Variants in GRAMD4 observed in about 807,000 individuals in gnomAD.
The protein encoded by GRAMD4 is GRAM domain containing 4.
GRAMD4 carries 25 observed loss-of-function variants against 83.9 expected under a neutral mutation model. That is an observed-to-expected ratio of 0.30 (90% CI 0.22 to 0.42). The LOEUF is 0.42. Ranked by LOEUF, GRAMD4 falls within the 10% of genes least tolerant of loss-of-function variation. The probability of loss-of-function intolerance (pLI) is 1.00; values close to 1 mark genes in which losing one functional copy is unlikely to be tolerated. For missense variants in GRAMD4, 593 were observed against 788.7 expected, an observed-to-expected ratio of 0.75 and a Z score of 2.97; for synonymous variants, 336 against 320.9, an observed-to-expected ratio of 1.05 and a Z score of -0.50.
chr22:46,679,294 G>A lies in GRAMD4; in HGVS notation c.*2043G>A, dbSNP rs974056402. The A allele has an allele frequency of 4.1e-6, 4 of 985,328 alleles. No individual in the cohort carries two copies. The highest frequency in any genetic ancestry group is 9.4e-5 in the South Asian group (2 of 21,292). 61.0% of individuals were successfully genotyped at this position (985,328 alleles called of 1,614,324 possible). A position where few individuals can be genotyped will look rare whatever the true frequency, so the allele number is the denominator to read the frequency against. ...TTACCAGCGTCGGGTGGTTTAGTTC[G>A]AGTCCCTTTTGTGGAGAAAGGGAGA... On this transcript the variant is annotated 3_prime_UTR_variant, in exon 19 of 19. Transcript: ENST00000406902.
At position 46,672,031 on chromosome 22, in the gene GRAMD4, C is replaced by A. The variant is rs891633521; in HGVS notation, c.1085-812C>A. The stretch of plus-strand genomic sequence containing the variant: ...GCCTGCCACGTCTGGTCTGGTCTGG[C>A]GGGCTGTGCACTGGGGGCAGCGAGA... On this transcript the variant is annotated intron_variant, in intron 13 of 18. Coordinates refer to ENST00000406902, the MANE Select transcript of GRAMD4 (RefSeq NM_015124.5). This position sits in a 1 kb window ranked among gnomAD's most constrained non-coding sequence, Gnocchi z 4.7. 6.6e-6 allele frequency among the ~76,000 whole-genome samples: 1 copy of A among 152,188 alleles called. No homozygotes were observed.
upstream of GRAMD4, among the ~76,000 whole-genome samples, chr22:46,617,994 G>T (rs713889): frequency 0.8 from 121,275 of 152,246 alleles, 49,022 homozygotes; most frequent in East Asian, 1. Flanking sequence ...AGAGTCCATG[G>T]GTGTCCCTAG....
At chr22:46,656,054 C>G (rs940714904) in intron 3 of GRAMD4, among the ~76,000 whole-genome samples, 3 of 152,164 alleles carry the variant, frequency 2.0e-5, no homozygotes, top group East Asian at 1.9e-4. Flanking sequence ...CAGTGCCCCC[C>G]ACCCCAGCCT....
intron 1 of GRAMD4, among the ~76,000 whole-genome samples, chr22:46,608,087 G>T (rs560168101): frequency 6.6e-6 from 1 of 152,218 alleles, no homozygotes; most frequent in African/African-American, 2.4e-5. Context: ...TTAGTGCGTG[G>T]CTCGGTCATT....
intron 2 of GRAMD4, among the ~76,000 whole-genome samples, chr22:46,632,857 G>A (rs1421267322): frequency 6.6e-6 from 1 of 152,222 alleles, no homozygotes; most frequent in Non-Finnish European, 1.5e-5. Context: ...GACGCTGCCT[G>A]TGCTTGCTGG....
chr22:46,655,223 C>T (rs551237418), intron 3 of GRAMD4, among the ~76,000 whole-genome samples: 2 of 143,790 alleles, frequency 1.4e-5, no homozygotes, highest in South Asian at 4.9e-4. Context: ...TGGCTTAAGC[C>T]CAAAAAGCAA....
chr22:46,661,606 G>A (rs939526091), intron 5 of GRAMD4, among the ~76,000 whole-genome samples, 164 bp downstream of exon 5: 4 of 152,246 alleles, frequency 2.6e-5, no homozygotes, highest in Admixed American at 1.3e-4. Context: ...GCTGGCATCC[G>A]GGAATCTCCT....
intron 16 of GRAMD4, 21 bp downstream of exon 16, chr22:46,674,771 C>G (rs761304795): frequency 3.9e-6 from 6 of 1,541,514 alleles, no homozygotes; most frequent in Non-Finnish European, 5.4e-6. Flanking sequence ...CCGTGGGGCC[C>G]TGTGTGGCTG....
chr22:46,650,898 G>A (rs890642795), intron 3 of GRAMD4, among the ~76,000 whole-genome samples: 2 of 152,226 alleles, frequency 1.3e-5, no homozygotes, highest in Non-Finnish European at 2.9e-5. Flanking sequence ...CTGACTGCAA[G>A]ACGCCTGTGG....
At position 46,628,006 on chromosome 22, in the gene GRAMD4, C is replaced by A. The variant is rs554378207; in HGVS notation, c.162+1045C>A. 3.7e-4 allele frequency among the ~76,000 whole-genome samples: 56 copies of A among 152,342 alleles called. No individual in the cohort carries two copies. In the East Asian group the frequency reaches 0.01, roughly 27 times the overall value. Reference sequence around the variant, plus strand: ...CCCTTGTGCAGGTTATGTGGCAGAACGGCAGGGGCCTGCCTTCGCCGGAGA... The same window carrying A: ...CCCTTGTGCAGGTTATGTGGCAGAAAGGCAGGGGCCTGCCTTCGCCGGAGA... On this transcript the variant is annotated intron_variant, in intron 2 of 18. Coordinates refer to ENST00000406902, the MANE Select transcript of GRAMD4 (RefSeq NM_015124.5).
chr22:46,582,212 C>T (rs2081105328), intron 1 of GRAMD4, among the ~76,000 whole-genome samples: 1 of 152,122 alleles, frequency 6.6e-6, no homozygotes, highest in Admixed American at 6.5e-5. Context: ...AACCGTGAAG[C>T]TTTGTGCTTG....
At chr22:46,666,103 G>C (rs901065352) in intron 9 of GRAMD4, among the ~76,000 whole-genome samples, 37 of 152,224 alleles carry the variant, frequency 2.4e-4, no homozygotes, top group African/African-American at 8.2e-4. Context: ...GACCGGGAAT[G>C]AGTACCAGTC....
chr22:46,613,632 C>CAGCATCCTGGAGGCCAGGAAGG (rs2147099326), intron 1 of GRAMD4, among the ~76,000 whole-genome samples: 1 of 152,330 alleles, frequency 6.6e-6, no homozygotes, highest in African/African-American at 2.4e-5. Context: ...ATCGCTTGGG[C>CAGCATCCTGGAGGCCAGGAAGG]AGCATCCTGG....
At chr22:46,642,389 G>T (rs572104415) in intron 3 of GRAMD4, among the ~76,000 whole-genome samples, 24 of 152,332 alleles carry the variant, frequency 1.6e-4, no homozygotes, top group South Asian at 8.3e-4. Flanking sequence ...AGTTCATACA[G>T]ATAATTCTAT....
At chr22:46,669,883 CTGTTT>C (rs1043350898) in intron 13 of GRAMD4, among the ~76,000 whole-genome samples, 2 of 152,180 alleles carry the variant, frequency 1.3e-5, no homozygotes, top group East Asian at 1.9e-4. Flanking sequence ...CTGGTCTCTT[CTGTTT>C]TGTTTTGTCT....
At chr22:46,586,776 G>T (rs188905165) in intron 1 of GRAMD4, among the ~76,000 whole-genome samples, 11 of 152,314 alleles carry the variant, frequency 7.2e-5, no homozygotes, top group South Asian at 4.1e-4. Context: ...AGCCTGGCCT[G>T]AGCAGTGACA....
At chr22:46,674,098 C>T (rs1304009448) in intron 15 of GRAMD4, among the ~76,000 whole-genome samples, 1 of 152,230 alleles carries the variant, frequency 6.6e-6, no homozygotes, top group Non-Finnish European at 1.5e-5. Context: ...GAGTCCAGGG[C>T]GAGGCCTCAG....
At chr22:46,641,586 G>C (rs1043608176) in intron 3 of GRAMD4, among the ~76,000 whole-genome samples, 26 of 152,198 alleles carry the variant, frequency 1.7e-4, no homozygotes, top group Admixed American at 6.5e-5. Flanking sequence ...CAGGTCACCT[G>C]CTGGACAGTC....
Position 46,666,811 on chromosome 22 carries a change from T to C in GRAMD4, c.810-14T>C, listed in dbSNP as rs778506717. On this transcript the variant is annotated splice_polypyrimidine_tract_variant and intron_variant, in intron 9 of 18. Transcript: ENST00000406902. ...GGCGCTGTCCTAAAGGTGTGTGTGT[T>C]TTCTGTTCGCCAGGGGGTGGCGGAT... 1 of 1,610,104 alleles carries C rather than the reference T, an allele frequency of 6.2e-7. No individual in the cohort carries two copies.
Sources: gnomAD v4.1 joint callset for allele counts (sites outside exome capture counted in the v4.1 genomes callset) on GRCh38, gnomAD v4.1.1 for gene constraint, Gnocchi (gnomAD v3.1) non-coding constraint, MANE v1.5 for transcripts, NCBI Gene and HGNC (gene_info 2026-07-23, HGNC 2026-07-21) for gene names.